The following P3H2 variants were observed in gnomAD, a reference collection of about 807,000 sequenced individuals.
P3H2 encodes prolyl 3-hydroxylase 2.
A neutral mutation model predicts 87.0 loss-of-function variants in P3H2; 80 were observed. The ratio of observed to expected loss-of-function variants is 0.92; its 90% CI spans 0.77 to 1.11. P3H2 has a LOEUF of 1.11. P3H2 is among the 50% of genes least tolerant of loss of function. The pLI, the probability that P3H2 is intolerant of heterozygous loss-of-function variation, is 0.00. For synonymous variants in P3H2, 367 were observed against 359.3 expected (o/e 1.02, Z -0.24); for missense variants, 1,001 against 923.9 (o/e 1.08, Z -1.08).
At chr3:190,087,499 A>G (rs888775688) in intron 1 of P3H2, among the ~76,000 whole-genome samples, 27 of 146,730 alleles carry the variant, frequency 1.8e-4, no homozygotes, top group Middle Eastern at 3.7e-3. Context: ...AGCCGAGATC[A>G]CACCACTGCA....
chr3:190,019,789 T>A (rs4687119), intron 1 of P3H2, among the ~76,000 whole-genome samples: 16,677 of 49,046 alleles, frequency 0.34, 3,830 homozygotes, highest in East Asian at 0.71. Flanking sequence ...TTAAAAAATA[T>A]ATATATATAT....
chr3:190,018,551 A>T (rs918269499), intron 1 of P3H2, among the ~76,000 whole-genome samples: 1 of 152,030 alleles, frequency 6.6e-6, no homozygotes, highest in Admixed American at 6.6e-5. Flanking sequence ...TCTATAAAAA[A>T]TTTAAAAATT....
At chr3:190,000,036 C>T (rs540216793) in intron 1 of P3H2, among the ~76,000 whole-genome samples, 1 of 152,232 alleles carries the variant, frequency 6.6e-6, no homozygotes, top group Non-Finnish European at 1.5e-5. Context: ...AAGAGTTTTC[C>T]ATAGCTAGTA....
chr3:189,987,400 A>G, intron 5 of P3H2, 127 bp downstream of exon 5: 1 of 1,050,270 alleles, frequency 9.5e-7, no homozygotes, highest in East Asian at 2.7e-5. Context: ...AATCGCTTGA[A>G]CCCGGGAGGC....
chr3:190,006,681 G>T (rs901711874), intron 1 of P3H2, among the ~76,000 whole-genome samples: 6 of 152,216 alleles, frequency 3.9e-5, no homozygotes, highest in Admixed American at 2.0e-4. Context: ...TGAAATCACA[G>T]TAACCTGGAA....
At chr3:190,051,248 A>G (rs1719641) in intron 1 of P3H2, among the ~76,000 whole-genome samples, 92,856 of 152,094 alleles carry the variant, frequency 0.61, 29,259 homozygotes, top group South Asian at 0.73. Context: ...TGAAGAGGCA[A>G]CTGAAGAAAA....
At chr3:190,017,116 C>T (rs1724780733) in intron 1 of P3H2, among the ~76,000 whole-genome samples, 1 of 152,188 alleles carries the variant, frequency 6.6e-6, no homozygotes, top group Non-Finnish European at 1.5e-5. Context: ...TGCATCTTCT[C>T]TGTGTTTCCT....
At chr3:189,983,739 A>G (rs1308228028) in intron 7 of P3H2, among the ~76,000 whole-genome samples, 1 of 152,218 alleles carries the variant, frequency 6.6e-6, no homozygotes, top group Non-Finnish European at 1.5e-5. Context: ...CTAAATAAGA[A>G]GATCTGGATC....
intron 14 of P3H2, among the ~76,000 whole-genome samples, chr3:189,960,426 CA>C: frequency 6.6e-6 from 1 of 152,344 alleles, no homozygotes; most frequent in East Asian, 1.9e-4. Context: ...AAGCCACTGA[CA>C]TGTGGCAAGA....
chr3:190,061,739 C>A (rs547733940), intron 1 of P3H2, among the ~76,000 whole-genome samples: 2 of 152,190 alleles, frequency 1.3e-5, no homozygotes, highest in Non-Finnish European at 2.9e-5. Flanking sequence ...CCTAAGAAGT[C>A]TTTAAGGGTT....
At chr3:190,086,846 G>C (rs938474049) in intron 1 of P3H2, among the ~76,000 whole-genome samples, 3 of 152,180 alleles carry the variant, frequency 2.0e-5, no homozygotes, top group African/African-American at 7.2e-5. Context: ...GAAAGACCAA[G>C]TATTTTCCCC....
chr3:190,077,841 G>A (rs113617062), intron 1 of P3H2, among the ~76,000 whole-genome samples: 1,631 of 152,298 alleles, frequency 0.011, 35 homozygotes, highest in African/African-American at 0.037. Context: ...ATCAAGATAT[G>A]AATGGAATTT....
intron 13 of P3H2, chr3:189,969,558 T>A (rs997152800): frequency 1.0e-5 from 13 of 1,273,400 alleles, no homozygotes; most frequent in Non-Finnish European, 1.5e-5. Flanking sequence ...CCAGGTTGAA[T>A]CTCCTCCCTC....
intron 1 of P3H2, among the ~76,000 whole-genome samples, chr3:190,005,112 G>C (rs75356945): frequency 0.022 from 3,344 of 152,230 alleles, 133 homozygotes; most frequent in African/African-American, 0.077. Flanking sequence ...TTCTAAGATA[G>C]CTTTTTGAAA....
chr3:190,068,835 A>G (rs1230747920), intron 1 of P3H2, among the ~76,000 whole-genome samples: 1 of 146,604 alleles, frequency 6.8e-6, no homozygotes, highest in Non-Finnish European at 1.5e-5. Flanking sequence ...CTACATATAG[A>G]TGCTTTTGCA....
chr3:190,069,758 G>C (rs1289348715), intron 1 of P3H2, among the ~76,000 whole-genome samples: 1 of 152,150 alleles, frequency 6.6e-6, no homozygotes, highest in Non-Finnish European at 1.5e-5. Context: ...TCATGAAAGT[G>C]AAATAGTGCT....
At chr3:190,014,567 A>C (rs771595040) in intron 1 of P3H2, among the ~76,000 whole-genome samples, 3 of 152,210 alleles carry the variant, frequency 2.0e-5, no homozygotes, top group African/African-American at 4.8e-5. Context: ...TGACGACTGG[A>C]GAGAAATGGG....
intron 1 of P3H2, among the ~76,000 whole-genome samples, chr3:190,063,423 C>T (rs1192369378): frequency 6.6e-6 from 1 of 152,200 alleles, no homozygotes; most frequent in African/African-American, 2.4e-5. Context: ...TATTGCATTA[C>T]AGACAGTACT....
intron 1 of P3H2, among the ~76,000 whole-genome samples, chr3:190,111,350 C>G (rs946755998): frequency 6.6e-6 from 1 of 152,144 alleles, no homozygotes; most frequent in Non-Finnish European, 1.5e-5. Flanking sequence ...GAATGGAAGT[C>G]AGGGTTCTTG....
Sources: allele counts gnomAD v4.1 joint callset (sites outside exome capture counted in the v4.1 genomes callset), GRCh38; gene constraint gnomAD v4.1.1; transcripts MANE v1.5; gene names NCBI Gene and HGNC (gene_info 2026-07-23, HGNC 2026-07-21).